The following NCOR1 variants were observed in gnomAD, a reference collection of about 807,000 sequenced individuals.
NCOR1 encodes protein phosphatase 1, regulatory subunit 109.
In NCOR1, 63 loss-of-function variants were observed where a neutral mutation model predicts 288.1. The observed-to-expected ratio is 0.22, with a 90% CI of 0.18 to 0.27. The LOEUF is 0.27. Ranked by LOEUF, NCOR1 falls within the 10% of genes least tolerant of loss-of-function variation. The probability of loss-of-function intolerance (pLI) is 1.00; values close to 1 mark genes in which losing one functional copy is unlikely to be tolerated. For missense variants in NCOR1, 2,397 were observed against 3,019.2 expected (o/e 0.79, Z 4.83); for synonymous variants, 1,007 against 1,065.9 (o/e 0.94, Z 1.08).
chr17:16,208,035 C>CTTTTTTTT (rs71150278), intron 1 of NCOR1, among the ~76,000 whole-genome samples: 23 of 72,570 alleles, frequency 3.2e-4, no homozygotes, highest in East Asian at 7.9e-4. Flanking sequence ...ATATTTCTTT[C>CTTTTTTTT]TTTTTTTTTT....
At chr17:16,158,110 A>G (rs939616091) in intron 6 of NCOR1, among the ~76,000 whole-genome samples, 2 of 151,974 alleles carry the variant, frequency 1.3e-5, no homozygotes, top group African/African-American at 4.8e-5. Context: ...AGTAGCTGGG[A>G]CTACAGGCAT....
chr17:16,158,840 CAGG>C lies in NCOR1; in HGVS notation c.649_651del (p.Pro217del). On this transcript the variant is annotated inframe_deletion, in exon 6 of 46. Coordinates refer to ENST00000268712, the MANE Select transcript of NCOR1 (RefSeq NM_006311.4). The stretch of plus-strand genomic sequence containing the variant: ...GGAGGGGACACGGGCTTCTCAGGCT[CAGG>C]AGGTTTAGCTGCCTCTTCTTCAAGC... 6.2e-7 allele frequency: 1 copy of C among 1,614,062 alleles called. No homozygotes were observed.
intron 42 of NCOR1, chr17:16,044,936 C>T: frequency 3.2e-6 from 2 of 623,516 alleles, no homozygotes; most frequent in Non-Finnish European, 5.8e-6. Context: ...CTGATGATGA[C>T]ATGGGCTTTT....
At chr17:16,068,220 T>C in intron 31 of NCOR1, 99 bp from the exon 32 acceptor site, 1 of 950,804 alleles carries the variant, frequency 1.1e-6, no homozygotes, top group Non-Finnish European at 1.6e-6. Flanking sequence ...TATATTCATG[T>C]ATTTGGATCT....
rs1394889770 is a variant in NCOR1 at position 16,080,657 on chromosome 17, A to G, written c.3248T>C (p.Val1083Ala). 6.2e-7 allele frequency: 1 copy of G among 1,614,172 alleles called. No homozygotes were observed. The highest frequency in any genetic ancestry group is 8.5e-7 in the Non-Finnish European group (1 of 1,180,020). ...TGGCAGTCCAAGAGAGATAGATCCC[A>G]CTGACGGCTTGGGTGTTTCTTGAGT... ...SYTQETPKPSVGSISLGLPRQ... is the reference protein window; with the variant it reads ...SYTQETPKPSAGSISLGLPRQ... The change falls in exon 24 of 46, where the codon GTG (valine) becomes GCG (alanine). Residue 1083 changes from valine (V) to alanine (A), a missense_variant. Around this residue, in one of 11 missense-constraint regions of NCOR1, gnomAD observed 1,872 missense variants for 2,187.8 expected, o/e 0.86. Coordinates refer to ENST00000268712, the MANE Select transcript of NCOR1 (RefSeq NM_006311.4).
intron 19 of NCOR1, among the ~76,000 whole-genome samples, chr17:16,104,654 C>T (rs780860274): frequency 9.9e-5 from 15 of 152,132 alleles, no homozygotes; most frequent in Non-Finnish European, 1.9e-4. Context: ...CACCAGTAAT[C>T]CCAGCTATTG....
rs190471865 is a variant in NCOR1, at chr17:16,110,409, A to T, written c.2056-1497T>A. ...TTTTTTTAATTCCTTTTTAAAAAAAATTGTATGCTCCCTTCTGCAAAGTAT... is the reference window on the plus strand; with the variant it reads ...TTTTTTTAATTCCTTTTTAAAAAAATTTGTATGCTCCCTTCTGCAAAGTAT... On this transcript the variant is annotated intron_variant, in intron 18 of 45. Coordinates refer to ENST00000268712, the MANE Select transcript of NCOR1 (RefSeq NM_006311.4). 4.4e-3 allele frequency among the ~76,000 whole-genome samples: 676 copies of T among 152,316 alleles called. 6 individuals carry two copies. Among genetic ancestry groups the T allele is most frequent in the Non-Finnish European group, 5.0e-3 (343 of 68,026 alleles).
intron 22 of NCOR1, chr17:16,091,509 T>A: frequency 9.9e-7 from 1 of 1,014,948 alleles, no homozygotes; most frequent in Non-Finnish European, 1.2e-6. Flanking sequence ...TATTACACTG[T>A]AATACTTGAA....
chr17:16,068,287 CAT>C (rs1253254649), intron 31 of NCOR1, 166 bp from the exon 32 acceptor site: 5 of 633,368 alleles, frequency 7.9e-6, no homozygotes, highest in African/African-American at 3.7e-5. Context: ...ATGTAAACAA[CAT>C]ATGAAAATGT....
intron 1 of NCOR1, among the ~76,000 whole-genome samples, chr17:16,208,472 T>C (rs1314775536): frequency 6.6e-6 from 1 of 152,072 alleles, no homozygotes; most frequent in Non-Finnish European, 1.5e-5. Context: ...GAACCATGAG[T>C]GCTGTCTAGG....
chr17:16,058,916 G>A (rs1177786253), intron 37 of NCOR1, among the ~76,000 whole-genome samples: 1 of 151,830 alleles, frequency 6.6e-6, no homozygotes, highest in Admixed American at 6.6e-5. Flanking sequence ...GGGCGTGGTA[G>A]CTCATGCCTG....
intron 21 of NCOR1, among the ~76,000 whole-genome samples, chr17:16,097,755 T>C (rs2066897114): frequency 6.6e-6 from 1 of 152,202 alleles, no homozygotes; most frequent in Non-Finnish European, 1.5e-5. Context: ...TTATGGAACC[T>C]GACGAGGAGA....
At position 16,031,681 on chromosome 17, in the gene NCOR1, C is replaced by T. The variant is rs950058043; in HGVS notation, c.*615G>A. On this transcript the variant is annotated 3_prime_UTR_variant, in exon 46 of 46. Transcript: ENST00000268712. The stretch of plus-strand genomic sequence containing the variant: ...ACTTTTACCTTTTGACCCTAATGTA[C>T]AGATTTTATGACAGGGTCTGTGTTA... The T allele has an allele frequency of 3.5e-5, 8 of 226,666 alleles. No homozygotes were observed. Among genetic ancestry groups the T allele is most frequent in the Middle Eastern group, 1.3e-3 (1 of 784 alleles). 14.0% of individuals were successfully genotyped at this position (226,666 alleles called of 1,614,324 possible).
intron 28 of NCOR1, among the ~76,000 whole-genome samples, chr17:16,072,440 C>T (rs556758087): frequency 1.1e-3 from 170 of 152,272 alleles, no homozygotes; most frequent in African/African-American, 3.7e-3. Context: ...CCACCAAAGG[C>T]ATCTAATGAA....
intron 37 of NCOR1, 125 bp downstream of exon 37, chr17:16,061,275 AT>A: frequency 1.7e-6 from 2 of 1,193,132 alleles, no homozygotes; most frequent in Non-Finnish European, 2.3e-6. Flanking sequence ...CAGAAGATAC[AT>A]TTTTGCATTA....
intron 44 of NCOR1, among the ~76,000 whole-genome samples, chr17:16,035,530 CTTTTTTT>C (rs966987249): frequency 1.7e-5 from 2 of 118,340 alleles, no homozygotes; most frequent in East Asian, 2.5e-4. Context: ...TTCTCTTGTT[CTTTTTTT>C]TTTTTTTTTT....
chr17:16,049,783 C>T (rs1045530492), intron 40 of NCOR1, among the ~76,000 whole-genome samples: 1 of 152,136 alleles, frequency 6.6e-6, no homozygotes, highest in Non-Finnish European at 1.5e-5. Context: ...GACGGGGTTT[C>T]ACCATGTTGG....
intron 16 of NCOR1, 69 bp downstream of exon 16, chr17:16,120,983 C>T: frequency 1.5e-6 from 2 of 1,378,900 alleles, no homozygotes; most frequent in South Asian, 1.3e-5. Context: ...TCCTTTCTAC[C>T]CTATCCTAGC....
At chr17:16,044,780 G>A in intron 42 of NCOR1, 1 of 1,041,028 alleles carries the variant, frequency 9.6e-7, no homozygotes, top group Non-Finnish European at 1.5e-6. Flanking sequence ...CCTGGCCAAT[G>A]TCAACATTGG....
Sources: gnomAD v4.1 joint callset for allele counts (sites outside exome capture counted in the v4.1 genomes callset) on GRCh38, gnomAD v4.1.1 for gene constraint, gnomAD v4.1.1 regional missense constraint, MANE v1.5 for transcripts, NCBI Gene and HGNC (gene_info 2026-07-23, HGNC 2026-07-21) for gene names.